Variants in CTNND2 observed in about 807,000 individuals in gnomAD.
The protein encoded by CTNND2 is catenin delta-2.
A neutral mutation model predicts 144.4 loss-of-function variants in CTNND2; 22 were observed. That is an observed-to-expected ratio of 0.15 (90% CI 0.11 to 0.22). The LOEUF (loss-of-function observed/expected upper bound fraction) is 0.22. CTNND2 is among the 10% of genes least tolerant of loss of function. The probability of loss-of-function intolerance (pLI) is 1.00; values close to 1 mark genes in which losing one functional copy is unlikely to be tolerated. For synonymous variants in CTNND2, 751 were observed against 695.6 expected, an observed-to-expected ratio of 1.08 and a Z score of -1.25; for missense variants, 1,353 against 1,618.8, an observed-to-expected ratio of 0.84 and a Z score of 2.82.
intron 11 of CTNND2, among the ~76,000 whole-genome samples, chr5:11,166,337 C>T (rs1362043955): frequency 6.7e-6 from 1 of 149,128 alleles, no homozygotes; most frequent in Admixed American, 6.7e-5. Context: ...CAAGCTCTGC[C>T]TCCTGGATTC....
chr5:11,454,844 C>T (rs141897813), intron 3 of CTNND2, among the ~76,000 whole-genome samples: 2,003 of 151,780 alleles, frequency 0.013, 46 homozygotes, highest in African/African-American at 0.045. Flanking sequence ...TCAGGCAATC[C>T]GCCCATCTCA....
At chr5:11,890,078 A>G (rs1238725437) in intron 1 of CTNND2, among the ~76,000 whole-genome samples, 1 of 152,160 alleles carries the variant, frequency 6.6e-6, no homozygotes, top group Admixed American at 6.5e-5. Context: ...ATTCATCTAT[A>G]CTTTCTCATT....
At chr5:11,007,816 C>T (rs921570057) in intron 18 of CTNND2, among the ~76,000 whole-genome samples, 2 of 152,238 alleles carry the variant, frequency 1.3e-5, no homozygotes, top group Non-Finnish European at 2.9e-5. Flanking sequence ...GCACACATAG[C>T]GTGGATGTCC....
At position 11,903,676 on chromosome 5, in the gene CTNND2, AG is replaced by A. The variant is rs1355664723; in HGVS notation, c.37+140del. 16 of 901,302 alleles carry A rather than the reference AG, an allele frequency of 1.8e-5. No homozygotes were observed. Among genetic ancestry groups the A allele is most frequent in the Non-Finnish European group, 2.5e-5 (16 of 651,124 alleles). 55.8% of individuals were successfully genotyped at this position (901,302 alleles called of 1,614,324 possible). A position where few individuals can be genotyped will look rare whatever the true frequency, so the allele number is the denominator to read the frequency against. ...CCTGGCGCGATCGCGGTCCTCCCCG[AG>A]GCAGGCAGAAACCCCGCAGCAGCCG... On this transcript the variant is annotated intron_variant, in intron 1 of 21. Coordinates refer to ENST00000304623, the MANE Select transcript of CTNND2 (RefSeq NM_001332.4). This position sits in a 1 kb window ranked among gnomAD's most constrained non-coding sequence, Gnocchi z 5.4.
intron 20 of CTNND2, chr5:10,986,513 T>C (rs904269121): frequency 4.7e-6 from 2 of 421,340 alleles, no homozygotes; most frequent in Non-Finnish European, 9.4e-6. Flanking sequence ...GCATAATCAG[T>C]ACAAATGGGA....
intron 2 of CTNND2, among the ~76,000 whole-genome samples, chr5:11,718,058 T>G (rs1464867100): frequency 6.6e-6 from 1 of 152,210 alleles, no homozygotes; most frequent in Non-Finnish European, 1.5e-5. Flanking sequence ...CAATTCAATC[T>G]CAGTGGTTAA....
chr5:11,697,868 T>G (rs185149068), intron 2 of CTNND2, among the ~76,000 whole-genome samples: 2 of 152,184 alleles, frequency 1.3e-5, no homozygotes, highest in Non-Finnish European at 2.9e-5. Context: ...AGGCATCAAT[T>G]ATGAAAAAAG....
At chr5:11,706,936 A>T (rs1785733825) in intron 2 of CTNND2, among the ~76,000 whole-genome samples, 1 of 152,000 alleles carries the variant, frequency 6.6e-6, no homozygotes, top group African/African-American at 2.4e-5. Flanking sequence ...AATATAAAAA[A>T]TTAGCCTGGC....
chr5:11,789,894 G>A (rs1791042996), intron 1 of CTNND2, among the ~76,000 whole-genome samples: 1 of 152,128 alleles, frequency 6.6e-6, no homozygotes, highest in South Asian at 2.1e-4. Context: ...TCTGCTAAGA[G>A]ATTTGTTTTT....
At chr5:11,129,359 T>C (rs1026043613) in intron 12 of CTNND2, among the ~76,000 whole-genome samples, 30 of 128,392 alleles carry the variant, frequency 2.3e-4, no homozygotes, top group Non-Finnish European at 3.8e-4. Context: ...CCTCGGAGCA[T>C]GTGGAAGGGC....
At chr5:11,562,526 A>G (rs1776762233) in intron 3 of CTNND2, among the ~76,000 whole-genome samples, 1 of 152,270 alleles carries the variant, frequency 6.6e-6, no homozygotes, top group African/African-American at 2.4e-5. Context: ...CATACATTAG[A>G]GATTTCCAAA....
intron 11 of CTNND2, among the ~76,000 whole-genome samples, chr5:11,168,583 A>C (rs547128723): frequency 5.3e-5 from 8 of 152,310 alleles, no homozygotes; most frequent in South Asian, 4.1e-4. Context: ...ATGTCACCAA[A>C]GCACCAAGGC....
At chr5:11,603,524 T>C (rs1779907485) in intron 2 of CTNND2, among the ~76,000 whole-genome samples, 1 of 152,142 alleles carries the variant, frequency 6.6e-6, no homozygotes, top group South Asian at 2.1e-4. Context: ...GACAGTGAAA[T>C]AGACTAGAGG....
rs748854352 is a variant in CTNND2 at position 11,082,851 on chromosome 5, A to G, written c.2638-5T>C. 5 of 1,613,260 alleles carry G rather than the reference A, an allele frequency of 3.1e-6. No individual in the cohort carries two copies. Among genetic ancestry groups the G allele is most frequent in the African/African-American group, 1.3e-5 (1 of 74,880 alleles). ...GGCTCGGATATATACTGACCACTGC[A>G]AAAACAGGGAAGGCGAAGGGCGTTA... is the stretch of plus-strand genomic sequence containing the variant. On this transcript the variant is annotated splice_region_variant and splice_polypyrimidine_tract_variant and intron_variant, in intron 15 of 21. Transcript: ENST00000304623.
At chr5:11,351,086 G>A (rs1372288271) in intron 8 of CTNND2, among the ~76,000 whole-genome samples, 1 of 152,142 alleles carries the variant, frequency 6.6e-6, no homozygotes, top group Non-Finnish European at 1.5e-5. Flanking sequence ...CTCTCCATTA[G>A]TATGGATAAA....
At chr5:11,275,880 C>T (rs1410996023) in intron 9 of CTNND2, among the ~76,000 whole-genome samples, 1 of 152,174 alleles carries the variant, frequency 6.6e-6, no homozygotes, top group Non-Finnish European at 1.5e-5. Flanking sequence ...TAATGCCAGC[C>T]AGAGAAACAT....
At chr5:11,430,248 CAAAAAAAAAAA>C (rs1307787997) in intron 3 of CTNND2, among the ~76,000 whole-genome samples, 1 of 38,482 alleles carries the variant, frequency 2.6e-5, no homozygotes. Flanking sequence ...GACTCCGTCT[CAAAAAAAAAAA>C]AAAAAAAAAA....
chr5:11,585,484 A>ATATCTATCTATCTATCTATC (rs57085841), intron 2 of CTNND2, among the ~76,000 whole-genome samples: 28 of 150,088 alleles, frequency 1.9e-4, no homozygotes, highest in South Asian at 8.5e-4. Flanking sequence ...TTATCTATGT[A>ATATCTATCTATCTATCTATC]TATCTATCTA....
intron 1 of CTNND2, among the ~76,000 whole-genome samples, chr5:11,843,400 C>T (rs1244272629): frequency 2.0e-5 from 3 of 152,200 alleles, no homozygotes; most frequent in Admixed American, 1.3e-4. Context: ...ATGCCACCTA[C>T]TTTTGTTAAA....
Sources: allele counts gnomAD v4.1 joint callset (sites outside exome capture counted in the v4.1 genomes callset), GRCh38; gene constraint gnomAD v4.1.1; non-coding constraint Gnocchi (gnomAD v3.1); transcripts MANE v1.5; gene names NCBI Gene and HGNC (gene_info 2026-07-23, HGNC 2026-07-21).